GAL3ST3: variants seen among roughly 807,000 people sequenced by gnomAD.
The protein encoded by GAL3ST3 is galactose-3-O-sulfotransferase 3, also known as beta-galactose-3-O-sulfotransferase 3.
GAL3ST3 carries 21 observed loss-of-function variants against 20.8 expected under a neutral mutation model. The ratio of observed to expected loss-of-function variants is 1.01; its 90% CI spans 0.72 to 1.45. The LOEUF is 1.45. GAL3ST3 is among the 40% of genes most tolerant of loss of function. GAL3ST3 has a pLI of 0.00. For synonymous variants in GAL3ST3, 355 were observed against 307.2 expected (o/e 1.16, Z -1.63); for missense variants, 739 against 662.7 (o/e 1.12, Z -1.26).
rs1184538667 is a variant in GAL3ST3 at position 66,042,561 on chromosome 11, G to C, written c.1242C>G (p.Asp414Glu). The C allele has an allele frequency of 6.5e-7, 1 of 1,531,914 alleles. No individual in the cohort carries two copies. The highest frequency in any genetic ancestry group is 8.7e-7 in the Non-Finnish European group (1 of 1,146,444). The allele number at this position is 1,531,914 out of a possible 1,614,324, so 94.9% of individuals were successfully genotyped here. The change falls in exon 3 of 3, where the codon GAC (aspartate) becomes GAG (glutamate). Residue 414 changes from aspartate (D) to glutamate (E), a missense_variant. Physicochemically the swap from Asp to Glu is conservative, Grantham distance 45 (BLOSUM62 2). Coordinates refer to ENST00000312006, the MANE Select transcript of GAL3ST3 (RefSeq NM_033036.3). The part of the protein sequence containing the change: ...GARARPEPVL[D>E]NPPPRPIRVL... ...CTCGGATGGGCCGAGGCGGGGGATT[G>C]TCCAGGACGGGCTCGGGCCGAGCCC...
At chr11:66,044,039 A>C (rs1590700380) in intron 2 of GAL3ST3, among the ~76,000 whole-genome samples, 1 of 152,090 alleles carries the variant, frequency 6.6e-6, no homozygotes, top group African/African-American at 2.4e-5. Flanking sequence ...ATGATGGGGG[A>C]AGCAAGCTGC....
At chr11:66,045,691 A>G (rs1347615690) in intron 1 of GAL3ST3, 164 bp from the exon 2 acceptor site, 6 of 293,650 alleles carry the variant, frequency 2.0e-5, no homozygotes, top group Non-Finnish European at 3.8e-5. Context: ...ACTGCTCCAG[A>G]TAACTTAGTC....
Position 66,042,929 on chromosome 11 carries a change from C to A in GAL3ST3, c.874G>T (p.Ala292Ser), listed in dbSNP as rs1364899771. 11 of 1,237,398 alleles carry A rather than the reference C, an allele frequency of 8.9e-6. No individual in the cohort carries two copies. The South Asian group carries it at 1.8e-4, about 20-fold the overall frequency. The allele number at this position is 1,237,398 out of a possible 1,614,324, so 76.7% of individuals were successfully genotyped here. ...TGGTCGTAGAGGCCGGCGTCCAGGG[C>A]GTTCCAGGTGCGCGCCGCCCGCGCC... ...ALARAARTWN[A>S]LDAGLYDHFN... is the part of the protein sequence containing the mutation. Residue 292 changes from alanine to serine, a missense_variant, in exon 3 of 3, where the codon GCC becomes TCC. By Grantham distance (99) the Ala-to-Ser change is moderately conservative (BLOSUM62 1). Coordinates refer to ENST00000312006, the MANE Select transcript of GAL3ST3 (RefSeq NM_033036.3).
chr11:66,047,379 A>G (rs911479896), intron 1 of GAL3ST3, among the ~76,000 whole-genome samples: 1 of 152,238 alleles, frequency 6.6e-6, no homozygotes, highest in Non-Finnish European at 1.5e-5. Flanking sequence ...GGGTCAGCCA[A>G]GGAAGTCAAG....
intron 1 of GAL3ST3, among the ~76,000 whole-genome samples, chr11:66,047,213 C>A (rs1474114639): frequency 1.3e-5 from 2 of 152,138 alleles, no homozygotes; most frequent in Admixed American, 1.3e-4. Flanking sequence ...GAAGTGAGAG[C>A]CCTTGGCCCT....
In GAL3ST3 at chr11:66,042,908, C is replaced by T. The variant is rs1390708174; in HGVS notation, c.895G>A (p.Asp299Asn). ...TWNALDAGLYDHFNATFWRHV... is the reference protein window; with the variant it reads ...TWNALDAGLYNHFNATFWRHV... Reference sequence around the variant, plus strand: ...CGCCAGAAGGTGGCGTTGAAGTGGTCGTAGAGGCCGGCGTCCAGGGCGTTC... The same window carrying T: ...CGCCAGAAGGTGGCGTTGAAGTGGTTGTAGAGGCCGGCGTCCAGGGCGTTC... The change falls in exon 3 of 3, where the codon GAC becomes AAC. Residue 299 changes from aspartate (D) to asparagine (N), a missense_variant. Transcript: ENST00000312006. The T allele has an allele frequency of 2.4e-5, 29 of 1,218,128 alleles. No individual in the cohort carries two copies. In the Admixed American group the frequency reaches 4.5e-4, roughly 19 times the overall value. 75.5% of individuals were successfully genotyped at this position (1,218,128 alleles called of 1,614,324 possible).
At chr11:66,045,997 C>T (rs565449410) in intron 1 of GAL3ST3, among the ~76,000 whole-genome samples, 1 of 152,336 alleles carries the variant, frequency 6.6e-6, no homozygotes, top group Admixed American at 6.5e-5. Flanking sequence ...GCCTTCACCT[C>T]CTTGGATCGA....
chr11:66,045,695 C>T (rs554583082), intron 1 of GAL3ST3, 168 bp from the exon 2 acceptor site: 22 of 284,504 alleles, frequency 7.7e-5, no homozygotes, highest in African/African-American at 4.6e-4. Context: ...CTCCAGATAA[C>T]TTAGTCTTGG....
chr11:66,042,500 G>A lies in GAL3ST3; in HGVS notation c.*7C>T, dbSNP rs1447140147. 6 of 1,462,874 alleles carry A rather than the reference G, an allele frequency of 4.1e-6. No homozygotes were observed. In the African/African-American group the frequency reaches 8.6e-5, roughly 21 times the overall value. The allele number at this position is 1,462,874 out of a possible 1,614,324, so 90.6% of individuals were successfully genotyped here. On this transcript the variant is annotated 3_prime_UTR_variant, in exon 3 of 3. Coordinates refer to ENST00000312006, the MANE Select transcript of GAL3ST3 (RefSeq NM_033036.3). ...GCAGGACCCATACTCCTGGAGGCCT[G>A]CGGAGCTCAGGGACCTTGAGGGCCG...
rs1856811641 is a variant in GAL3ST3, at chr11:66,049,145, A to T, written c.-247T>A. The T allele has an allele frequency of 6.6e-6, 1 of 152,344 alleles. No individual in the cohort carries two copies. Among genetic ancestry groups the T allele is most frequent in the Admixed American group, 6.5e-5 (1 of 15,276 alleles). 9.4% of individuals were successfully genotyped at this position (152,344 alleles called of 1,614,324 possible). A position where few individuals can be genotyped will look rare whatever the true frequency, so the allele number is the denominator to read the frequency against. On this transcript the variant is annotated 5_prime_UTR_variant, in exon 1 of 3. Transcript: ENST00000312006. ...GCCGAGTGCCGGTGGCTTGCCTCTC[A>T]GCGCCTGGATGGGATCAGGTGGCAG...
chr11:66,048,573 C>G (rs1275351483), intron 1 of GAL3ST3, among the ~76,000 whole-genome samples: 2 of 152,046 alleles, frequency 1.3e-5, no homozygotes, highest in East Asian at 3.9e-4. Context: ...CTGAGGGGGT[C>G]TGCAAAGTAC....
intron 2 of GAL3ST3, among the ~76,000 whole-genome samples, chr11:66,044,836 C>T (rs768313211): frequency 2.0e-5 from 3 of 152,114 alleles, no homozygotes; most frequent in African/African-American, 7.2e-5. Context: ...ATGAAGTCTC[C>T]GAGAGGTGCA....
chr11:66,043,784 G>C, intron 2 of GAL3ST3, 107 bp from the exon 3 acceptor site: 1 of 1,015,398 alleles, frequency 9.8e-7, no homozygotes, highest in East Asian at 2.6e-5. Flanking sequence ...GCCCCGCCTG[G>C]GCTGCACTCA....
chr11:66,048,672 C>A (rs1856806712), intron 1 of GAL3ST3, among the ~76,000 whole-genome samples: 2 of 144,678 alleles, frequency 1.4e-5, no homozygotes, highest in African/African-American at 5.1e-5. Context: ...GGCCCCCCAG[C>A]CTCCTCTCTC....
rs1856774003 is a variant in GAL3ST3, at chr11:66,045,501, G to C, written c.-86C>G. The stretch of plus-strand genomic sequence containing the variant: ...ACTCATGGGGGATCCTGCGGCTCTG[G>C]TAGCAGGGCCAGTGTTCCCGAGAAG... On this transcript the variant is annotated 5_prime_UTR_variant, in exon 2 of 3. Transcript: ENST00000312006. 2.1e-6 allele frequency: 3 copies of C among 1,405,568 alleles called. No homozygotes were observed. The highest frequency in any genetic ancestry group is 5.2e-5 in the East Asian group (2 of 38,108). The allele number at this position is 1,405,568 out of a possible 1,614,324, so 87.1% of individuals were successfully genotyped here.
rs368706812 is a variant in GAL3ST3 at position 66,043,262 on chromosome 11, C to T, written c.541G>A (p.Glu181Lys). The change falls in exon 3 of 3, where the codon GAG becomes AAG. Residue 181 changes from glutamate (E) to lysine (K), a missense_variant. Glu to Lys is a moderately conservative substitution (Grantham distance 56, BLOSUM62 1). Coordinates refer to ENST00000312006, the MANE Select transcript of GAL3ST3 (RefSeq NM_033036.3). ...GCCTCGGGCGCGCGCAGGAAGGCCTCGAGCGAGGCGTTGGGTACGCGCCGG... is the reference window on the plus strand; with the variant it reads ...GCCTCGGGCGCGCGCAGGAAGGCCTTGAGCGAGGCGTTGGGTACGCGCCGG... ...AFRRVPNASL[E>K]AFLRAPEAYY... is the part of the protein sequence containing the mutation. 43 of 1,611,928 alleles carry T rather than the reference C, an allele frequency of 2.7e-5. No individual in the cohort carries two copies. The highest frequency in any genetic ancestry group is 3.3e-4 in the Middle Eastern group (2 of 6,080).
rs765373687 is a variant in GAL3ST3 at position 66,043,032 on chromosome 11, CCAGGCCAGTAGG to C, written c.759_770del (p.Leu254_Trp257del). On this transcript the variant is annotated inframe_deletion, in exon 3 of 3. Coordinates refer to ENST00000312006, the MANE Select transcript of GAL3ST3 (RefSeq NM_033036.3). ...TGGCGTAGAGCACGTCGTCCAGGTC[CCAGGCCAGTAGG>C]CGCCGCAGCAGCACTAGCGACTCGT... 1 of 1,610,396 alleles carries C rather than the reference CCAGGCCAGTAGG, an allele frequency of 6.2e-7. No individual in the cohort carries two copies. The highest frequency in any genetic ancestry group is 1.1e-5 in the South Asian group (1 of 91,070).
chr11:66,045,209 G>A, intron 2 of GAL3ST3, 82 bp downstream of exon 2: 3 of 1,249,796 alleles, frequency 2.4e-6, no homozygotes, highest in Non-Finnish European at 3.2e-6. Context: ...TAGAGGGGAG[G>A]AGCAAAGCCT....
At chr11:66,043,742 T>G in intron 2 of GAL3ST3, 65 bp from the exon 3 acceptor site, 1 of 1,406,800 alleles carries the variant, frequency 7.1e-7, no homozygotes, top group Non-Finnish European at 9.6e-7. Flanking sequence ...CCCCTGCCCT[T>G]ACCCAAGGAC....
Sources: gnomAD v4.1 joint callset for allele counts (sites outside exome capture counted in the v4.1 genomes callset) on GRCh38, gnomAD v4.1.1 for gene constraint, MANE v1.5 for transcripts, NCBI Gene and HGNC (gene_info 2026-07-23, HGNC 2026-07-21) for gene names.